EPN2: variants seen among roughly 807,000 people sequenced by gnomAD.
EPN2 encodes epsin-2.
A neutral mutation model predicts 61.7 loss-of-function variants in EPN2; 34 were observed. The ratio of observed to expected loss-of-function variants is 0.55; its 90% CI spans 0.42 to 0.73. The LOEUF is 0.73. Ranked by LOEUF, EPN2 falls within the 30% of genes least tolerant of loss-of-function variation. EPN2 has a pLI of 0.00. For synonymous variants in EPN2, 349 were observed against 353.6 expected (o/e 0.99, Z 0.15); for missense variants, 714 against 839.2 (o/e 0.85, Z 1.84).
rs2152243339 is a variant in EPN2 at position 19,335,875 on chromosome 17, A to T, written c.*1621A>T. The T allele has an allele frequency of 6.4e-6, 1 of 155,634 alleles. No individual in the cohort carries two copies. Among genetic ancestry groups the T allele is most frequent in the East Asian group, 1.9e-4 (1 of 5,376 alleles). The allele number at this position is 155,634 out of a possible 1,614,324, so 9.6% of individuals were successfully genotyped here. Reference sequence around the variant, plus strand: ...GACCAGAAAAGACTTGCTTTTACCCAGGGAGGGGACATTCCCCCAATCCTG... The same window carrying T: ...GACCAGAAAAGACTTGCTTTTACCCTGGGAGGGGACATTCCCCCAATCCTG... On this transcript the variant is annotated 3_prime_UTR_variant, in exon 11 of 11. Coordinates refer to ENST00000314728, the MANE Select transcript of EPN2 (RefSeq NM_014964.5).
rs1555600084 is a variant in EPN2 at position 19,290,720 on chromosome 17, A to AAAAAAAAAAAAAAAAAAAAAAG, written c.766+4935_766+4936insAAAAAAAAAAAAAAAAGAAAAA. Among the ~76,000 whole-genome samples the AAAAAAAAAAAAAAAAAAAAAAG allele has an allele frequency of 7.6e-5, 8 of 105,566 alleles. 1 individual carries two copies. The highest frequency in any genetic ancestry group is 1.2e-4 in the Non-Finnish European group (6 of 51,566). 69.3% of individuals were successfully genotyped at this position (105,566 alleles called of 152,430 possible). A position where few individuals can be genotyped will look rare whatever the true frequency, so the allele number is the denominator to read the frequency against. On this transcript the variant is annotated intron_variant, in intron 4 of 10. Coordinates refer to ENST00000314728, the MANE Select transcript of EPN2 (RefSeq NM_014964.5). The stretch of plus-strand genomic sequence containing the variant: ...GTTCTCAAAAAAAAAAAAAAAGAAA[A>AAAAAAAAAAAAAAAAAAAAAAG]AAAAAGAAAAAGGAAGGCAGGCAGA...
Position 19,329,464 on chromosome 17 carries a change from C to G in EPN2, c.1325-97C>G, listed in dbSNP as rs903569587. 4 of 700,084 alleles carry G rather than the reference C, an allele frequency of 5.7e-6. No homozygotes were observed. In the African/African-American group the frequency reaches 7.3e-5, roughly 13 times the overall value. The allele number at this position is 700,084 out of a possible 1,614,324, so 43.4% of individuals were successfully genotyped here. A position where few individuals can be genotyped will look rare whatever the true frequency, so the allele number is the denominator to read the frequency against. On this transcript the variant is annotated intron_variant, in intron 8 of 10. Transcript: ENST00000314728. ...GAGGTAGGGTAAGCGGGGAGAGGCC[C>G]CTGTTGCCAGCCCATCCTGAGGGTG...
intron 7 of EPN2, chr17:19,313,591 G>A (rs941745744): frequency 1.5e-5 from 5 of 333,964 alleles, no homozygotes; most frequent in Non-Finnish European, 2.7e-5. Flanking sequence ...CAGCCTCAGC[G>A]TTACACCCAG....
chr17:19,270,030 A>G (rs2045238268), intron 1 of EPN2, among the ~76,000 whole-genome samples: 1 of 152,208 alleles, frequency 6.6e-6, no homozygotes, highest in Admixed American at 6.5e-5. Flanking sequence ...AGAGGATGGG[A>G]TCAGAAGTCA....
chr17:19,307,459 C>T (rs1372229119), intron 4 of EPN2, among the ~76,000 whole-genome samples: 4 of 152,048 alleles, frequency 2.6e-5, no homozygotes, highest in African/African-American at 9.7e-5. Context: ...TATGGGTGCC[C>T]ACCACCATGC....
chr17:19,278,490 G>A (rs557290849), intron 1 of EPN2, among the ~76,000 whole-genome samples: 42 of 152,262 alleles, frequency 2.8e-4, no homozygotes, highest in African/African-American at 9.1e-4. Context: ...CAGATCTCAT[G>A]AGACTTACTC....
Position 19,334,129 on chromosome 17 carries a change from G to T in EPN2, c.1801G>T (p.Ala601Ser). The part of the protein sequence containing the change: ...ASMTSAAPQP[A>S]LGATGSSLTP... The stretch of plus-strand genomic sequence containing the variant: ...GATGACCTCCGCGGCCCCACAGCCA[G>T]CTCTGGGGGCCACTGGTTCCTCTCT... Residue 601 changes from alanine (A) to serine (S), a missense_variant, in exon 11 of 11, where the codon GCT becomes TCT. Physicochemically the swap from Ala to Ser is moderately conservative, Grantham distance 99. Transcript: ENST00000314728. This position sits in a 1 kb window ranked among gnomAD's most constrained non-coding sequence, Gnocchi z 4.9. The T allele has an allele frequency of 6.2e-7, 1 of 1,606,316 alleles. No individual in the cohort carries two copies. The highest frequency in any genetic ancestry group is 1.1e-5 in the South Asian group (1 of 89,410).
intron 1 of EPN2, chr17:19,274,460 C>T (rs1027729479): frequency 6.6e-6 from 1 of 152,160 alleles, no homozygotes; most frequent in Non-Finnish European, 1.5e-5. Flanking sequence ...TTAATTCACC[C>T]GTATTTATTG....
At chr17:19,269,075 T>G (rs1220400642) in intron 1 of EPN2, among the ~76,000 whole-genome samples, 2 of 152,224 alleles carry the variant, frequency 1.3e-5, no homozygotes, top group Non-Finnish European at 2.9e-5. Flanking sequence ...TCATGGGGAC[T>G]TATTTTATTT....
chr17:19,310,736 C>G (rs1906097706), intron 5 of EPN2, among the ~76,000 whole-genome samples: 1 of 151,766 alleles, frequency 6.6e-6, no homozygotes, highest in Non-Finnish European at 1.5e-5. Context: ...TGCCACCATG[C>G]CCGGCTAATT....
At chr17:19,247,553 G>T (rs1048327302) in intron 1 of EPN2, among the ~76,000 whole-genome samples, 1 of 152,244 alleles carries the variant, frequency 6.6e-6, no homozygotes, top group Non-Finnish European at 1.5e-5. Context: ...GTTAAAGCTT[G>T]AGATGGGATG....
At chr17:19,253,243 C>T (rs971718258) in intron 1 of EPN2, among the ~76,000 whole-genome samples, 1 of 151,554 alleles carries the variant, frequency 6.6e-6, no homozygotes, top group East Asian at 1.9e-4. Flanking sequence ...TTTGTATTGG[C>T]TTCCTTCACC....
chr17:19,251,831 A>G (rs976606874), intron 1 of EPN2, among the ~76,000 whole-genome samples: 1 of 152,128 alleles, frequency 6.6e-6, no homozygotes, highest in Non-Finnish European at 1.5e-5. Flanking sequence ...TCTTTTAGAT[A>G]GTAGACTTTT....
chr17:19,278,927 G>A (rs1256281680), intron 1 of EPN2, among the ~76,000 whole-genome samples: 2 of 152,156 alleles, frequency 1.3e-5, no homozygotes, highest in Non-Finnish European at 2.9e-5. Context: ...ATGAACCACC[G>A]TGCCCGGCCC....
At chr17:19,329,733 C>G in intron 9 of EPN2, 86 bp downstream of exon 9, 1 of 790,268 alleles carries the variant, frequency 1.3e-6, no homozygotes. Context: ...GCTTTCAAAA[C>G]CCTTCAGCTT....
At position 19,334,394 on chromosome 17, in the gene EPN2, T is replaced by TAAAGACAGCC; in HGVS notation, c.*140_*141insAAAGACAGCC. On this transcript the variant is annotated 3_prime_UTR_variant, in exon 11 of 11. Transcript: ENST00000314728. The surrounding 1 kb of genome is among the most constrained non-coding windows in gnomAD (Gnocchi z 4.9). ...CTCCAGCTTCCTGATGAAAGGGCTG[T>TAAAGACAGCC]CTTTACAGCCCCAACCCTCAGACCC... 7.7e-6 allele frequency: 5 copies of TAAAGACAGCC among 649,822 alleles called. No individual in the cohort carries two copies. The highest frequency in any genetic ancestry group is 1.2e-5 in the Non-Finnish European group (5 of 434,624). The allele number at this position is 649,822 out of a possible 1,614,324, so 40.3% of individuals were successfully genotyped here.
intron 1 of EPN2, among the ~76,000 whole-genome samples, chr17:19,262,792 CTG>C (rs1281612283): frequency 1.3e-4 from 20 of 152,270 alleles, no homozygotes; most frequent in Non-Finnish European, 1.8e-4. Context: ...CTTTCTGTCT[CTG>C]TGGATTTGCC....
At chr17:19,305,728 A>G (rs1369605127) in intron 4 of EPN2, among the ~76,000 whole-genome samples, 1 of 152,150 alleles carries the variant, frequency 6.6e-6, no homozygotes, top group East Asian at 1.9e-4. Context: ...ACAGGCACCC[A>G]GGCTCTGCCG....
At position 19,336,157 on chromosome 17, in the gene EPN2, G is replaced by C. The variant is rs1349488820; in HGVS notation, c.*1903G>C. ...CCCAGGAGCCGTGTCTAGAGTTCCT[G>C]ACCAGCCACCTTCTGCCAGAACTGC... On this transcript the variant is annotated 3_prime_UTR_variant, in exon 11 of 11. Coordinates refer to ENST00000314728, the MANE Select transcript of EPN2 (RefSeq NM_014964.5). The C allele has an allele frequency of 6.6e-6, 1 of 152,288 alleles. No individual in the cohort carries two copies. The highest frequency in any genetic ancestry group is 1.5e-5 in the Non-Finnish European group (1 of 68,092). The allele number at this position is 152,288 out of a possible 1,614,324, so 9.4% of individuals were successfully genotyped here.
Sources: allele counts gnomAD v4.1 joint callset (sites outside exome capture counted in the v4.1 genomes callset), GRCh38; gene constraint gnomAD v4.1.1; non-coding constraint Gnocchi (gnomAD v3.1); transcripts MANE v1.5; gene names NCBI Gene and HGNC (gene_info 2026-07-23, HGNC 2026-07-21).